Variants in TNRC18 observed in about 807,000 individuals in gnomAD.
The protein encoded by TNRC18 is trinucleotide repeat containing 18, also known as trinucleotide repeat-containing gene 18 protein.
TNRC18 carries 69 observed loss-of-function variants against 226.7 expected under a neutral mutation model. The observed-to-expected ratio is 0.30, with a 90% CI of 0.25 to 0.37. The LOEUF is 0.37. TNRC18 is among the 10% of genes least tolerant of loss of function. The pLI, the probability that TNRC18 is intolerant of heterozygous loss-of-function variation, is 1.00. For missense variants in TNRC18, 4,754 were observed against 4,256.6 expected, an observed-to-expected ratio of 1.12 and a Z score of -3.25; for synonymous variants, 2,449 against 1,927.6, an observed-to-expected ratio of 1.27 and a Z score of -7.09.
At chr7:5,396,208 C>T (rs1780678100) in intron 2 of TNRC18, among the ~76,000 whole-genome samples, 3 of 145,224 alleles carry the variant, frequency 2.1e-5, no homozygotes, top group South Asian at 2.2e-4. Flanking sequence ...ATTAGCTGGG[C>T]GTGGTGGCAG....
chr7:5,383,996 G>A (rs1453927486), intron 5 of TNRC18, among the ~76,000 whole-genome samples: 4 of 109,454 alleles, frequency 3.7e-5, no homozygotes, highest in African/African-American at 1.1e-4. Context: ...ATAGAGTTTC[G>A]CTCTGTTGCC....
intron 21 of TNRC18, among the ~76,000 whole-genome samples, chr7:5,322,194 C>G (rs1788444939): frequency 6.6e-6 from 1 of 151,922 alleles, no homozygotes; most frequent in South Asian, 2.1e-4. Flanking sequence ...AAAAGAATTG[C>G]TTGAACCTGG....
chr7:5,403,051 C>A (rs1279089136), intron 2 of TNRC18, among the ~76,000 whole-genome samples: 1 of 152,132 alleles, frequency 6.6e-6, no homozygotes, highest in East Asian at 1.9e-4. Flanking sequence ...CAAACCTACA[C>A]TTCTCCACTC....
intron 24 of TNRC18, among the ~76,000 whole-genome samples, chr7:5,316,940 C>T (rs1399840883): frequency 6.6e-6 from 1 of 152,086 alleles, no homozygotes; most frequent in Non-Finnish European, 1.5e-5. Context: ...GGTGGCCCAG[C>T]TGGCAGGAGC....
At chr7:5,332,598 AC>A (rs1409614218) in intron 19 of TNRC18, 23 bp downstream of exon 19, 1 of 1,508,086 alleles carries the variant, frequency 6.6e-7, no homozygotes, top group Admixed American at 2.3e-5. Context: ...CTTCTGCGGC[AC>A]CCCCTCCCAG....
At chr7:5,408,671 G>T (rs10271391) in intron 2 of TNRC18, among the ~76,000 whole-genome samples, 7,550 of 152,166 alleles carry the variant, frequency 0.05, 319 homozygotes, top group African/African-American at 0.099. Flanking sequence ...AAACCATTTG[G>T]AAGCAAGAAA....
Position 5,345,547 on chromosome 7 carries a change from C to A in TNRC18, c.5719+15G>T. ...TCCCACCCACCCCCACCGCAGCCCA[C>A]CTGCTGCCACTTACCCAGCAGGCTC... On this transcript the variant is annotated intron_variant, in intron 18 of 29. Transcript: ENST00000430969. 6.9e-7 allele frequency: 1 copy of A among 1,447,874 alleles called. No individual in the cohort carries two copies. The highest frequency in any genetic ancestry group is 1.4e-5 in the South Asian group (1 of 72,250). 89.7% of individuals were successfully genotyped at this position (1,447,874 alleles called of 1,614,324 possible). A position where few individuals can be genotyped will look rare whatever the true frequency, so the allele number is the denominator to read the frequency against.
intron 24 of TNRC18, among the ~76,000 whole-genome samples, chr7:5,317,810 A>T (rs1373476502): frequency 6.6e-6 from 1 of 151,192 alleles, no homozygotes; most frequent in Non-Finnish European, 1.5e-5. Flanking sequence ...GGCTCAGGTG[A>T]TCCTCCCACT....
rs776348892 is a variant in TNRC18, at chr7:5,377,977, G to A, written c.2200C>T (p.Arg734Trp). The A allele has an allele frequency of 1.9e-5, 30 of 1,613,010 alleles. No individual in the cohort carries two copies. Among genetic ancestry groups the A allele is most frequent in the African/African-American group, 2.7e-5 (2 of 74,786 alleles). The change falls in exon 6 of 30, where the codon CGG (arginine) becomes TGG (tryptophan). Residue 734 changes from arginine to tryptophan, a missense_variant. Coordinates refer to ENST00000430969, the MANE Select transcript of TNRC18 (RefSeq NM_001080495.3). The surrounding 1 kb of genome is among the most constrained non-coding windows in gnomAD (Gnocchi z 5.8). ...EDCVDDRARH[R>W]EERLLGARLD... Reference sequence around the variant, plus strand: ...CGTGCCCCGAGCAGCCGTTCCTCCCGGTGTCTGGCCCGGTCGTCCACACAG... The same window carrying A: ...CGTGCCCCGAGCAGCCGTTCCTCCCAGTGTCTGGCCCGGTCGTCCACACAG...
rs1792493081 is a variant in TNRC18 at position 5,357,003 on chromosome 7, T to G, written c.5107A>C (p.Arg1703=). ...GCCTTGAACCCCACCTCCATCTTCC[T>G]GGTTTTGGCTGCCCTTTTGTGTTTA... ...EGKHKRAAKT[R]KMEVGFKARG... Residue 1703 remains arginine, a synonymous_variant, in exon 16 of 30, where the codon AGG becomes CGG. Coordinates refer to ENST00000430969, the MANE Select transcript of TNRC18 (RefSeq NM_001080495.3). 2.6e-6 allele frequency: 4 copies of G among 1,552,208 alleles called. No individual in the cohort carries two copies. The South Asian group carries it at 4.8e-5, about 18-fold the overall frequency.
chr7:5,313,829 T>C lies in TNRC18; in HGVS notation c.7062A>G (p.Thr2354=). Residue 2354 remains threonine (T), a synonymous_variant, in exon 27 of 30, where the codon ACA becomes ACG. Transcript: ENST00000430969. ...RAATLEEGNP[T]DEVPSTPLAL... ...CTAAGGGGGTACTGGGGACCTCGTC[T>C]GTTGGGTTCCCCTCCTCCAGGGTAG... 1 of 1,503,232 alleles carries C rather than the reference T, an allele frequency of 6.7e-7. No homozygotes were observed. The highest frequency in any genetic ancestry group is 8.9e-7 in the Non-Finnish European group (1 of 1,126,410). The allele number at this position is 1,503,232 out of a possible 1,614,324, so 93.1% of individuals were successfully genotyped here.
At chr7:5,346,138 C>T (rs540415970) in intron 17 of TNRC18, among the ~76,000 whole-genome samples, 1 of 152,362 alleles carries the variant, frequency 6.6e-6, no homozygotes, top group African/African-American at 2.4e-5. Context: ...CTGGAGACAG[C>T]GTTCTCCACA....
chr7:5,362,148 C>T (rs1793122001), intron 12 of TNRC18, 115 bp from the exon 13 acceptor site: 6 of 1,277,704 alleles, frequency 4.7e-6, no homozygotes, highest in Middle Eastern at 2.3e-4. Flanking sequence ...AGCTGGGGCT[C>T]GAGTCCCACC....
intron 2 of TNRC18, among the ~76,000 whole-genome samples, chr7:5,403,017 TAA>T (rs1781217009): frequency 6.6e-6 from 1 of 151,988 alleles, no homozygotes; most frequent in Admixed American, 6.6e-5. Context: ...CTTTTACAGA[TAA>T]AGAGACTGAG....
At chr7:5,378,430 T>A (rs1251407606) in intron 5 of TNRC18, among the ~76,000 whole-genome samples, 2 of 151,566 alleles carry the variant, frequency 1.3e-5, no homozygotes, top group Non-Finnish European at 1.5e-5. Context: ...ATTTATTTTT[T>A]TTTTTTGAGA....
At position 5,336,045 on chromosome 7, in the gene TNRC18, A is replaced by G. The variant is rs142548251; in HGVS notation, c.5720-2996T>C. ...AACATGGCAAAACCCCATCTCTACA[A>G]AAAATACAAAAATTATCTGGGCGTG... is the stretch of plus-strand genomic sequence containing the variant. On this transcript the variant is annotated intron_variant, in intron 18 of 29. Coordinates refer to ENST00000430969, the MANE Select transcript of TNRC18 (RefSeq NM_001080495.3). 8.1e-3 allele frequency among the ~76,000 whole-genome samples: 1,230 copies of G among 152,020 alleles called. 10 individuals are homozygous for G. The highest frequency in any genetic ancestry group is 0.029 in the African/African-American group (1,185 of 41,448).
Position 5,309,525 on chromosome 7 carries a change from T to C in TNRC18, c.8389-157A>G, listed in dbSNP as rs902701095. Among the ~76,000 whole-genome samples the C allele has an allele frequency of 2.0e-5, 3 of 152,268 alleles. No homozygotes were observed. The highest frequency in any genetic ancestry group is 4.4e-5 in the Non-Finnish European group (3 of 68,046). On this transcript the variant is annotated intron_variant, in intron 27 of 29. Transcript: ENST00000430969. The surrounding 1 kb of genome is among the most constrained non-coding windows in gnomAD (Gnocchi z 5.7). Reference sequence around the variant, plus strand: ...AGGAAGCTCCTTGTCTCGCTTCAAGTGGGGAAGCCCCTCTTCCATCTCTTT... The same window carrying C: ...AGGAAGCTCCTTGTCTCGCTTCAAGCGGGGAAGCCCCTCTTCCATCTCTTT...
At chr7:5,352,391 G>A (rs368402856) in intron 16 of TNRC18, among the ~76,000 whole-genome samples, 1 of 152,092 alleles carries the variant, frequency 6.6e-6, no homozygotes, top group African/African-American at 2.4e-5. Context: ...CAGGCTTTCC[G>A]GGCACCGGAG....
chr7:5,346,432 G>A (rs187677392), intron 17 of TNRC18, among the ~76,000 whole-genome samples: 66 of 152,280 alleles, frequency 4.3e-4, no homozygotes, highest in African/African-American at 1.4e-3. Context: ...GGAGGCGGAG[G>A]TTGCAGTGAG....
Sources: allele counts gnomAD v4.1 joint callset (sites outside exome capture counted in the v4.1 genomes callset), GRCh38; gene constraint gnomAD v4.1.1; non-coding constraint Gnocchi (gnomAD v3.1); transcripts MANE v1.5; gene names NCBI Gene and HGNC (gene_info 2026-07-23, HGNC 2026-07-21).